The following NOL4 variants were observed in gnomAD, a reference collection of about 807,000 sequenced individuals.
NOL4 encodes the protein nucleolar protein 4, also known as cancer/testis antigen 125.
NOL4 carries 17 observed loss-of-function variants against 75.9 expected under a neutral mutation model. The ratio of observed to expected loss-of-function variants is 0.22; its 90% confidence interval spans 0.15 to 0.34. NOL4 has a LOEUF of 0.34. Among genes scored for constraint, NOL4 ranks in the 10% least tolerant of loss-of-function variants. NOL4 has a pLI of 1.00. For synonymous variants in NOL4, 292 were observed against 289.9 expected, an observed-to-expected ratio of 1.01 and a Z score of -0.07; for missense variants, 614 against 793.5, an observed-to-expected ratio of 0.77 and a Z score of 2.72.
chr18:34,147,533 T>C (rs569519490), intron 1 of NOL4, among the ~76,000 whole-genome samples: 1 of 152,290 alleles, frequency 6.6e-6, no homozygotes, highest in African/African-American at 2.4e-5. Context: ...GATTTGCGTA[T>C]GTTGAACCAG....
intron 1 of NOL4, among the ~76,000 whole-genome samples, chr18:34,155,141 C>T (rs995673406): frequency 4.0e-5 from 6 of 151,274 alleles, no homozygotes; most frequent in African/African-American, 9.7e-5. Flanking sequence ...GCCACAAATA[C>T]GTGAAAGTTG....
intron 6 of NOL4, among the ~76,000 whole-genome samples, chr18:33,960,693 T>C (rs1260424259): frequency 6.6e-6 from 1 of 152,162 alleles, no homozygotes; most frequent in Non-Finnish European, 1.5e-5. Flanking sequence ...ACTGGTTAAG[T>C]GATTTTCCCA....
At chr18:34,002,296 T>C (rs1248567816) in intron 6 of NOL4, among the ~76,000 whole-genome samples, 1 of 152,092 alleles carries the variant, frequency 6.6e-6, no homozygotes, top group Non-Finnish European at 1.5e-5. Context: ...CTTGCTGCAC[T>C]GATGTTCTTT....
At chr18:34,207,954 G>A (rs1046845527) in intron 1 of NOL4, among the ~76,000 whole-genome samples, 2 of 152,148 alleles carry the variant, frequency 1.3e-5, no homozygotes, top group African/African-American at 2.4e-5. Flanking sequence ...GGCTATTAGT[G>A]AAAATGGGAG....
chr18:34,193,298 A>T (rs2035058691), intron 1 of NOL4, among the ~76,000 whole-genome samples: 1 of 152,208 alleles, frequency 6.6e-6, no homozygotes, highest in Non-Finnish European at 1.5e-5. Flanking sequence ...CAGCCAAGGA[A>T]ACAATTGACA....
chr18:34,144,794 C>T (rs190788732), intron 1 of NOL4, among the ~76,000 whole-genome samples: 26 of 152,198 alleles, frequency 1.7e-4, no homozygotes, highest in African/African-American at 5.1e-4. Context: ...TTTTTTATTA[C>T]GATAAAATCA....
At chr18:34,033,797 G>A (rs924424336) in intron 5 of NOL4, among the ~76,000 whole-genome samples, 42 of 151,746 alleles carry the variant, frequency 2.8e-4, no homozygotes, top group Non-Finnish European at 7.4e-5. Context: ...AAGAGCAAGA[G>A]AAAAGCATGT....
intron 6 of NOL4, among the ~76,000 whole-genome samples, chr18:33,978,271 T>C (rs952346839): frequency 6.6e-6 from 1 of 152,276 alleles, no homozygotes; most frequent in African/African-American, 2.4e-5. Flanking sequence ...AAGTGACTGA[T>C]ACCAGTATAT....
chr18:34,090,757 T>C (rs1436266663), intron 5 of NOL4, among the ~76,000 whole-genome samples: 2 of 152,086 alleles, frequency 1.3e-5, no homozygotes, highest in African/African-American at 4.8e-5. Flanking sequence ...GCTGGTGATG[T>C]TCACAAGAAC....
At chr18:34,140,626 T>G (rs2081106301) in intron 1 of NOL4, among the ~76,000 whole-genome samples, 1 of 152,188 alleles carries the variant, frequency 6.6e-6, no homozygotes, top group Non-Finnish European at 1.5e-5. Context: ...GTCTTGACTC[T>G]GTATCCAATT....
intron 5 of NOL4, among the ~76,000 whole-genome samples, chr18:34,043,287 T>C (rs2076218886): frequency 6.6e-6 from 1 of 152,118 alleles, no homozygotes; most frequent in Admixed American, 6.6e-5. Context: ...TATGTATGCA[T>C]GTATAGATGG....
chr18:34,013,367 T>C (rs370515879), intron 6 of NOL4, among the ~76,000 whole-genome samples: 106 of 152,006 alleles, frequency 7.0e-4, no homozygotes, highest in African/African-American at 2.5e-3. Context: ...TCCCTTCTTA[T>C]GCCACCTAAA....
intron 1 of NOL4, among the ~76,000 whole-genome samples, chr18:34,194,627 T>C (rs1048083602): frequency 6.6e-6 from 1 of 152,180 alleles, no homozygotes; most frequent in African/African-American, 2.4e-5. Context: ...TACACATTGT[T>C]TCATCTTACT....
chr18:33,905,010 T>C (rs1018515235), intron 9 of NOL4, among the ~76,000 whole-genome samples: 1 of 152,290 alleles, frequency 6.6e-6, no homozygotes. Context: ...CTAATTTAAC[T>C]TGGAATAAGG....
intron 1 of NOL4, among the ~76,000 whole-genome samples, chr18:34,142,811 C>T (rs950433661): frequency 2.0e-5 from 3 of 149,690 alleles, no homozygotes; most frequent in Admixed American, 1.3e-4. Context: ...GCACATGTAC[C>T]CTAGTACTTA....
intron 6 of NOL4, among the ~76,000 whole-genome samples, chr18:34,006,900 T>C (rs1438730683): frequency 1.3e-5 from 2 of 152,000 alleles, no homozygotes; most frequent in African/African-American, 2.4e-5. Context: ...TAATGTATGA[T>C]GCTGTGTCTT....
At chr18:34,004,319 G>C (rs914844544) in intron 6 of NOL4, among the ~76,000 whole-genome samples, 32 of 152,026 alleles carry the variant, frequency 2.1e-4, no homozygotes, top group Non-Finnish European at 8.8e-5. Context: ...CTCGCCCAAG[G>C]CTGTGCCATG....
At chr18:33,889,578 C>A (rs1442943620) in intron 9 of NOL4, among the ~76,000 whole-genome samples, 4 of 152,012 alleles carry the variant, frequency 2.6e-5, no homozygotes, top group Admixed American at 2.0e-4. Flanking sequence ...GGTAGAGACA[C>A]ATCAAAAAAA....
intron 10 of NOL4, among the ~76,000 whole-genome samples, chr18:33,874,928 T>C (rs1413579845): frequency 6.6e-6 from 1 of 151,884 alleles, no homozygotes; most frequent in Non-Finnish European, 1.5e-5. Flanking sequence ...CAAATATTAA[T>C]GAAGAGCAAG....
Sources: gnomAD v4.1 joint callset for allele counts (sites outside exome capture counted in the v4.1 genomes callset) on GRCh38, gnomAD v4.1.1 for gene constraint, MANE v1.5 for transcripts, NCBI Gene and HGNC (gene_info 2026-07-23, HGNC 2026-07-21) for gene names.